The following FRS2 variants were observed in gnomAD, a reference collection of about 807,000 sequenced individuals.
The protein encoded by FRS2 is fibroblast growth factor receptor substrate 2, also known as FGFR signalling adaptor.
Under a neutral mutation model 43.9 loss-of-function variants are expected in FRS2, and 8 were observed. The ratio of observed to expected loss-of-function variants is 0.18; its 90% CI spans 0.11 to 0.33. FRS2 has a LOEUF of 0.33. Ranked by LOEUF, FRS2 falls within the 10% of genes least tolerant of loss-of-function variation. FRS2 has a pLI of 1.00. For synonymous variants in FRS2, 219 were observed against 220.3 expected (o/e 0.99, Z 0.05); for missense variants, 534 against 627.6 (o/e 0.85, Z 1.59).
chr12:69,573,695 T>TA (rs1333055458), intron 8 of FRS2, among the ~76,000 whole-genome samples: 1 of 152,194 alleles, frequency 6.6e-6, no homozygotes, highest in African/African-American at 2.4e-5. Context: ...ACTCCTACCC[T>TA]CAAGTGATCC....
chr12:69,481,923 G>T (rs147828500), intron 1 of FRS2, among the ~76,000 whole-genome samples: 2 of 151,034 alleles, frequency 1.3e-5, no homozygotes, highest in Admixed American at 1.3e-4. Context: ...ATATAGTCTG[G>T]TTCTTCTACT....
Position 69,473,133 on chromosome 12 carries a change from G to C in FRS2, c.-261+2603G>C, listed in dbSNP as rs139838908. 5.8e-3 allele frequency among the ~76,000 whole-genome samples: 889 copies of C among 152,322 alleles called. 8 individuals are homozygous for C. The highest frequency in any genetic ancestry group is 0.021 in the African/African-American group (856 of 41,580). ...CTGTTTATTGAGCATTTACTGAACAGACTTAATGCTAGTTGCTGTTTACAG... is the reference window on the plus strand; with the variant it reads ...CTGTTTATTGAGCATTTACTGAACACACTTAATGCTAGTTGCTGTTTACAG... On this transcript the variant is annotated intron_variant, in intron 1 of 8. Transcript: ENST00000549921.
At chr12:69,493,447 G>A (rs1324933019) in intron 1 of FRS2, among the ~76,000 whole-genome samples, 3 of 152,238 alleles carry the variant, frequency 2.0e-5, no homozygotes, top group African/African-American at 2.4e-5. Flanking sequence ...GCTGCCGGGC[G>A]CGATGGCTCA....
intron 3 of FRS2, among the ~76,000 whole-genome samples, chr12:69,541,135 A>G (rs1323003754): frequency 6.6e-6 from 1 of 151,990 alleles, no homozygotes; most frequent in Non-Finnish European, 1.5e-5. Flanking sequence ...CATACTTTGC[A>G]ACTTTTATTA....
At chr12:69,503,283 TA>T (rs760822536) in intron 1 of FRS2, among the ~76,000 whole-genome samples, 2 of 152,316 alleles carry the variant, frequency 1.3e-5, no homozygotes, top group Non-Finnish European at 2.9e-5. Context: ...CGTTTTTGTC[TA>T]ATCTCTCACC....
intron 3 of FRS2, among the ~76,000 whole-genome samples, chr12:69,556,088 A>T (rs568130069): frequency 2.2e-4 from 34 of 151,742 alleles, no homozygotes; most frequent in African/African-American, 7.7e-4. Flanking sequence ...AAAATTAGAG[A>T]TGATGTCCTG....
chr12:69,549,577 C>A (rs1320122769), intron 3 of FRS2, among the ~76,000 whole-genome samples: 1 of 152,160 alleles, frequency 6.6e-6, no homozygotes, highest in African/African-American at 2.4e-5. Context: ...GGGAACTCAG[C>A]ATTTAAAGGG....
At chr12:69,534,200 C>T (rs1038292475) in intron 3 of FRS2, among the ~76,000 whole-genome samples, 16 of 152,148 alleles carry the variant, frequency 1.1e-4, no homozygotes, top group African/African-American at 3.9e-4. Flanking sequence ...TCAGGTGTTA[C>T]AGTTCATTTT....
chr12:69,487,435 G>A (rs559475099), intron 1 of FRS2, among the ~76,000 whole-genome samples: 2 of 152,216 alleles, frequency 1.3e-5, no homozygotes, highest in Admixed American at 6.5e-5. Flanking sequence ...ATAAAGTCTG[G>A]ATAACAGCAC....
At chr12:69,515,454 A>G (rs1293843496) in intron 1 of FRS2, among the ~76,000 whole-genome samples, 1 of 152,182 alleles carries the variant, frequency 6.6e-6, no homozygotes, top group Non-Finnish European at 1.5e-5. Context: ...TTGTTTCTGA[A>G]TATCAGTGCT....
rs183994280 is a variant in FRS2, at chr12:69,578,906, A to C, written c.*3951A>C. ...TTTACCCCCATGGTTAATTTCTTTT[A>C]TAAACATTCCATATTTCTCTAATAA... On this transcript the variant is annotated 3_prime_UTR_variant, in exon 9 of 9. Transcript: ENST00000549921. The C allele has an allele frequency of 8.5e-5, 13 of 152,634 alleles. No homozygotes were observed. Among genetic ancestry groups the C allele is most frequent in the Admixed American group, 8.5e-4 (13 of 15,278 alleles). The allele number at this position is 152,634 out of a possible 1,614,324, so 9.5% of individuals were successfully genotyped here.
chr12:69,476,765 T>A (rs867845599), intron 1 of FRS2, among the ~76,000 whole-genome samples: 1 of 31,756 alleles, frequency 3.1e-5, no homozygotes, highest in Non-Finnish European at 6.0e-5. Context: ...GGGGGGGGTG[T>A]GGGGGTGGGG....
chr12:69,574,235 G>A lies in FRS2; in HGVS notation c.807G>A (p.Glu269=). ...QKQLMEKEKL[E]QLGRDQVSGS... The stretch of plus-strand genomic sequence containing the variant: ...AGTTAATGGAAAAAGAGAAACTGGA[G>A]CAACTTGGAAGAGATCAAGTTAGTG... The change falls in exon 9 of 9, where the codon GAG becomes GAA. Residue 269 remains glutamate (E), a synonymous_variant. Transcript: ENST00000549921. 6.2e-7 allele frequency: 1 copy of A among 1,614,030 alleles called. No individual in the cohort carries two copies. The highest frequency in any genetic ancestry group is 1.6e-4 in the Middle Eastern group (1 of 6,062).
intron 1 of FRS2, among the ~76,000 whole-genome samples, chr12:69,524,185 G>T (rs1401239008): frequency 6.6e-6 from 1 of 152,062 alleles, no homozygotes; most frequent in African/African-American, 2.4e-5. Context: ...AGGGGCTGGT[G>T]GTCTCATTGC....
intron 3 of FRS2, among the ~76,000 whole-genome samples, chr12:69,548,312 A>G (rs1161259706): frequency 6.6e-6 from 1 of 152,214 alleles, no homozygotes; most frequent in Non-Finnish European, 1.5e-5. Flanking sequence ...CGAAATGGTA[A>G]GCAGTAGTTG....
chr12:69,530,016 T>C (rs942413886), intron 1 of FRS2, among the ~76,000 whole-genome samples: 1 of 151,966 alleles, frequency 6.6e-6, no homozygotes, highest in African/African-American at 2.4e-5. Flanking sequence ...GTCTTGTCAC[T>C]GTACTCCAGC....
rs151295024 is a variant in FRS2 at position 69,538,197 on chromosome 12, T to TTATATATATATATATATATATATATATA, written c.-122+6167_-122+6168insTATATATATATATATATATATATATATA. Among the ~76,000 whole-genome samples, 340 of 81,182 alleles carry TTATATATATATATATATATATATATATA rather than the reference T, an allele frequency of 4.2e-3. 6 individuals carry two copies. The highest frequency in any genetic ancestry group is 0.012 in the East Asian group (17 of 1,386). The allele number at this position is 81,182 out of a possible 152,430, so 53.3% of individuals were successfully genotyped here. A position where few individuals can be genotyped will look rare whatever the true frequency, so the allele number is the denominator to read the frequency against. ...AATAATAAAATTAAAAAAACAAATT[T>TTATATATATATATATATATATATATATA]TATATATATATATATATATATATAT... On this transcript the variant is annotated intron_variant, in intron 3 of 8. Coordinates refer to ENST00000549921, the MANE Select transcript of FRS2 (RefSeq NM_001278356.2).
In FRS2 at chr12:69,485,546, G is replaced by A. The variant is rs1474142108; in HGVS notation, c.-261+15016G>A. On this transcript the variant is annotated intron_variant, in intron 1 of 8. Transcript: ENST00000549921. ...CACCCAGGCTGGAGTGCAGTGGTGC[G>A]ATCTTGGCTCACTGCAACCTCCACC... is the stretch of plus-strand genomic sequence containing the variant. Among the ~76,000 whole-genome samples the A allele has an allele frequency of 2.0e-5, 3 of 151,834 alleles. No individual in the cohort carries two copies. In the East Asian group the frequency reaches 5.8e-4, roughly 29 times the overall value.
intron 1 of FRS2, among the ~76,000 whole-genome samples, chr12:69,530,362 C>T (rs1592998645): frequency 6.6e-6 from 1 of 151,662 alleles, no homozygotes; most frequent in Non-Finnish European, 1.5e-5. Context: ...GTTCTGGTCC[C>T]GTGGTACAAA....
Sources: allele counts gnomAD v4.1 joint callset (sites outside exome capture counted in the v4.1 genomes callset), GRCh38; gene constraint gnomAD v4.1.1; transcripts MANE v1.5; gene names NCBI Gene and HGNC (gene_info 2026-07-23, HGNC 2026-07-21).